Variants in PPP3CA observed in about 807,000 individuals in gnomAD.
The protein encoded by PPP3CA is CAM-PRP catalytic subunit.
In PPP3CA, 14 loss-of-function variants were observed where a neutral mutation model predicts 66.5. That is an observed-to-expected ratio of 0.21 (90% CI 0.14 to 0.33). PPP3CA has a LOEUF of 0.33. Ranked by LOEUF, PPP3CA falls within the 10% of genes least tolerant of loss-of-function variation. The probability of loss-of-function intolerance (pLI) is 1.00; values close to 1 mark genes in which losing one functional copy is unlikely to be tolerated. For synonymous variants in PPP3CA, 232 were observed against 226.2 expected (o/e 1.03, Z -0.23); for missense variants, 317 against 639.5 (o/e 0.50, Z 5.44).
intron 5 of PPP3CA, 63 bp from the exon 6 acceptor site, chr4:101,093,978 A>G: frequency 6.8e-7 from 1 of 1,475,584 alleles, no homozygotes; most frequent in Non-Finnish European, 9.1e-7. Flanking sequence ...TTCTGACAAT[A>G]CAAGAAACAA....
At chr4:101,144,523 T>C (rs1722909916) in intron 2 of PPP3CA, among the ~76,000 whole-genome samples, 1 of 152,216 alleles carries the variant, frequency 6.6e-6, no homozygotes, top group African/African-American at 2.4e-5. Flanking sequence ...GTTACTGCCT[T>C]TTGATCTGTA....
intron 2 of PPP3CA, among the ~76,000 whole-genome samples, chr4:101,192,827 C>T (rs1724652110): frequency 6.6e-6 from 1 of 152,168 alleles, no homozygotes; most frequent in Non-Finnish European, 1.5e-5. Flanking sequence ...GTGTCTGACT[C>T]CCTTACCTAG....
chr4:101,056,186 T>C (rs1371730232), intron 10 of PPP3CA, among the ~76,000 whole-genome samples: 2 of 150,890 alleles, frequency 1.3e-5, no homozygotes, highest in South Asian at 2.1e-4. Context: ...TCACTTTATA[T>C]GTAAAATAAG....
At chr4:101,279,973 T>G (rs1321333303) in intron 1 of PPP3CA, among the ~76,000 whole-genome samples, 1 of 152,230 alleles carries the variant, frequency 6.6e-6, no homozygotes, top group Non-Finnish European at 1.5e-5. Flanking sequence ...ACATTTTCAG[T>G]TCCTGGAACT....
intron 10 of PPP3CA, 111 bp downstream of exon 10, chr4:101,060,976 G>A (rs1728437304): frequency 1.1e-6 from 1 of 891,162 alleles, no homozygotes; most frequent in Non-Finnish European, 1.8e-6. Context: ...TCTCAATAAT[G>A]TTACGTTTTA....
intron 5 of PPP3CA, among the ~76,000 whole-genome samples, chr4:101,095,602 TA>T (rs911856506): frequency 3.3e-5 from 5 of 152,056 alleles, no homozygotes; most frequent in African/African-American, 1.2e-4. Context: ...TTTATTTACT[TA>T]AAAAAAATCC....
At chr4:101,310,911 C>T (rs1425244409) in intron 1 of PPP3CA, among the ~76,000 whole-genome samples, 1 of 151,886 alleles carries the variant, frequency 6.6e-6, no homozygotes, top group Non-Finnish European at 1.5e-5. Flanking sequence ...AAGTCATCAT[C>T]CTAAAGAGTA....
intron 8 of PPP3CA, among the ~76,000 whole-genome samples, chr4:101,074,942 C>T (rs1451527441): frequency 6.6e-6 from 1 of 152,154 alleles, no homozygotes; most frequent in South Asian, 2.1e-4. Flanking sequence ...CTCACAGCTC[C>T]ACATGGCTAG....
At chr4:101,328,877 G>T (rs142929539) in intron 1 of PPP3CA, among the ~76,000 whole-genome samples, 3 of 151,994 alleles carry the variant, frequency 2.0e-5, no homozygotes, top group African/African-American at 7.3e-5. Flanking sequence ...AAATAAATGT[G>T]TGTACTCTGA....
intron 1 of PPP3CA, among the ~76,000 whole-genome samples, chr4:101,263,945 T>C (rs1727087180): frequency 6.6e-6 from 1 of 152,160 alleles, no homozygotes; most frequent in East Asian, 1.9e-4. Context: ...GTCAGTTAGG[T>C]TGACAGAGAA....
At chr4:101,074,495 C>T (rs1729059815) in intron 8 of PPP3CA, among the ~76,000 whole-genome samples, 2 of 152,162 alleles carry the variant, frequency 1.3e-5, no homozygotes, top group Non-Finnish European at 2.9e-5. Context: ...AGGGTTCCCG[C>T]CAGAAGTCAG....
intron 1 of PPP3CA, chr4:101,240,732 A>C (rs938864991): frequency 1.3e-5 from 2 of 152,152 alleles, no homozygotes; most frequent in Non-Finnish European, 2.9e-5. Context: ...CTTTCTAAAA[A>C]TTTAAAAAAA....
intron 12 of PPP3CA, among the ~76,000 whole-genome samples, chr4:101,030,822 C>T (rs1726914946): frequency 6.6e-6 from 1 of 152,084 alleles, no homozygotes; most frequent in Non-Finnish European, 1.5e-5. Context: ...TGATAATACA[C>T]TTGCTGTGCC....
At chr4:101,159,254 A>C (rs1019360438) in intron 2 of PPP3CA, among the ~76,000 whole-genome samples, 4 of 152,186 alleles carry the variant, frequency 2.6e-5, no homozygotes, top group Admixed American at 2.0e-4. Flanking sequence ...GATTCTAAAA[A>C]AACAGTGATT....
At chr4:101,046,197 C>G (rs1727757275) in intron 10 of PPP3CA, among the ~76,000 whole-genome samples, 1 of 150,494 alleles carries the variant, frequency 6.6e-6, no homozygotes, top group African/African-American at 2.4e-5. Flanking sequence ...TTTTAAAAGT[C>G]TAATCCAACA....
At chr4:101,091,310 T>C (rs1358540580) in intron 6 of PPP3CA, among the ~76,000 whole-genome samples, 1 of 152,182 alleles carries the variant, frequency 6.6e-6, no homozygotes, top group African/African-American at 2.4e-5. Flanking sequence ...TCACTATAAA[T>C]TTAAACATCT....
At chr4:101,248,856 G>A (rs866648635) in intron 1 of PPP3CA, among the ~76,000 whole-genome samples, 3 of 152,094 alleles carry the variant, frequency 2.0e-5, no homozygotes, top group South Asian at 2.1e-4. Context: ...AGTGTTAAAC[G>A]ACACTTTAAA....
chr4:101,192,082 GA>G (rs1006639960), intron 2 of PPP3CA, among the ~76,000 whole-genome samples: 1 of 152,142 alleles, frequency 6.6e-6, no homozygotes, highest in African/African-American at 2.4e-5. Flanking sequence ...TAAGTGAAAG[GA>G]AAACAGGAAA....
intron 8 of PPP3CA, among the ~76,000 whole-genome samples, chr4:101,064,033 T>C (rs1728582658): frequency 6.6e-6 from 1 of 151,994 alleles, no homozygotes; most frequent in South Asian, 2.1e-4. Flanking sequence ...TCGTTAACTA[T>C]AGTTACCCTA....
Sources: allele counts gnomAD v4.1 joint callset (sites outside exome capture counted in the v4.1 genomes callset), GRCh38; gene constraint gnomAD v4.1.1; transcripts MANE v1.5; gene names NCBI Gene and HGNC (gene_info 2026-07-23, HGNC 2026-07-21).